The following GSTZ1 variants were observed in gnomAD, a reference collection of about 807,000 sequenced individuals.
GSTZ1 encodes the protein glutathione S-transferase zeta 1.
In GSTZ1, 34 loss-of-function variants were observed where a neutral mutation model predicts 35.9. The observed-to-expected ratio is 0.95, with a 90% CI of 0.72 to 1.26. The LOEUF is 1.26. Among genes scored for constraint, GSTZ1 ranks in the 50% most tolerant of loss-of-function variants. The pLI, the probability that GSTZ1 is intolerant of heterozygous loss-of-function variation, is 0.00. For synonymous variants in GSTZ1, 93 were observed against 101.2 expected, an observed-to-expected ratio of 0.92 and a Z score of 0.49; for missense variants, 263 against 271.7, an observed-to-expected ratio of 0.97 and a Z score of 0.23.
chr14:77,323,928 C>G (rs899491260), intron 1 of GSTZ1: 50 of 152,416 alleles, frequency 3.3e-4, no homozygotes, highest in African/African-American at 1.1e-3. Context: ...TTTAGGGCAA[C>G]CTTTGTTTTA....
At chr14:77,327,889 C>T (rs2139576472) in intron 4 of GSTZ1, 23 bp from the exon 5 acceptor site, 4 of 1,613,256 alleles carry the variant, frequency 2.5e-6, no homozygotes, top group Non-Finnish European at 3.4e-6. Context: ...CCTCTCCCTG[C>T]CTCACTGCTC....
chr14:77,330,525 G>A (rs1256516216), intron 8 of GSTZ1, among the ~76,000 whole-genome samples, 166 bp downstream of exon 8: 4 of 152,122 alleles, frequency 2.6e-5, no homozygotes, highest in Non-Finnish European at 5.9e-5. Context: ...GAAGAAATTG[G>A]GGCAGTGCTC....
chr14:77,323,905 GC>G (rs1892160202), intron 1 of GSTZ1: 1 of 152,388 alleles, frequency 6.6e-6, no homozygotes, highest in Non-Finnish European at 1.5e-5. Context: ...GCTAGAGGAT[GC>G]CCTGCCATCA....
At chr14:77,327,020 A>T in intron 3 of GSTZ1, 115 bp downstream of exon 3, 1 of 752,040 alleles carries the variant, frequency 1.3e-6, no homozygotes, top group Non-Finnish European at 2.3e-6. Context: ...CTTGTGGACT[A>T]TCACTGCAGG....
In GSTZ1 at chr14:77,327,312, G is replaced by T. The variant is rs1594824521; in HGVS notation, c.136-160G>T. 4.7e-6 allele frequency: 3 copies of T among 631,914 alleles called. No homozygotes were observed. In the East Asian group the frequency reaches 8.2e-5, roughly 17 times the overall value. 39.1% of individuals were successfully genotyped at this position (631,914 alleles called of 1,614,324 possible). Reference sequence around the variant, plus strand: ...AGCAGCAGCTGGGCTTTGGGAGACTGCATGGATCCCCCAGGGATTACCCTG... The same window carrying T: ...AGCAGCAGCTGGGCTTTGGGAGACTTCATGGATCCCCCAGGGATTACCCTG... On this transcript the variant is annotated intron_variant, in intron 3 of 8. Transcript: ENST00000216465.
chr14:77,329,793 T>A lies in GSTZ1; in HGVS notation c.460T>A (p.Cys154Ser). The A allele has an allele frequency of 6.2e-7, 1 of 1,613,652 alleles. No homozygotes were observed. Among genetic ancestry groups the A allele is most frequent in the South Asian group, 1.1e-5 (1 of 91,072 alleles). Reference protein sequence around the residue: ...QILQSTAGIYCVGDEVTMADL... With the variant: ...QILQSTAGIYSVGDEVTMADL... ...CCTACAGAGCACAGCGGGCATATACTGTGTAGGAGACGAGGTAAGCTGTCC... is the reference window on the plus strand; with the variant it reads ...CCTACAGAGCACAGCGGGCATATACAGTGTAGGAGACGAGGTAAGCTGTCC... Residue 154 changes from cysteine to serine, a missense_variant, in exon 7 of 9, where the codon TGT (cysteine) becomes AGT (serine). Transcript: ENST00000216465.
intron 8 of GSTZ1, among the ~76,000 whole-genome samples, chr14:77,330,697 C>A (rs893835177): frequency 2.0e-5 from 3 of 152,092 alleles, no homozygotes; most frequent in African/African-American, 7.2e-5. Flanking sequence ...TTCCGTGAAC[C>A]CTTTGGTAGG....
rs1892071848 is a variant in GSTZ1 at position 77,322,506 on chromosome 14, C to A, written c.15+1323C>A. The A allele has an allele frequency of 5.4e-6, 4 of 736,148 alleles. No homozygotes were observed. In the South Asian group the frequency reaches 2.4e-4, roughly 44 times the overall value. 45.6% of individuals were successfully genotyped at this position (736,148 alleles called of 1,614,324 possible). ...CATTTAGCCATTAGGTAAGGCATTT[C>A]TTCAGGGATTCTAAGCTAATTAATG... On this transcript the variant is annotated intron_variant, in intron 1 of 8. Coordinates refer to ENST00000216465, the MANE Select transcript of GSTZ1 (RefSeq NM_145870.3).
chr14:77,324,553 A>T (rs1319842957), intron 1 of GSTZ1: 1 of 1,517,666 alleles, frequency 6.6e-7, no homozygotes, highest in Non-Finnish European at 8.8e-7. Flanking sequence ...CCCTGCTCAG[A>T]AGCTGTGCCA....
At chr14:77,328,994 G>C in intron 5 of GSTZ1, 129 bp from the exon 6 acceptor site, 4 of 745,648 alleles carry the variant, frequency 5.4e-6, no homozygotes, top group South Asian at 4.5e-5. Flanking sequence ...GGCTCATGGA[G>C]CCTGGGGGAG....
chr14:77,322,480 G>A, intron 1 of GSTZ1: 1 of 433,184 alleles, frequency 2.3e-6, no homozygotes, highest in South Asian at 9.5e-5. Flanking sequence ...TAATCCAAAG[G>A]CATTTAGCCA....
At chr14:77,325,058 G>A (rs572507857) in intron 2 of GSTZ1, 137 bp downstream of exon 2, 22 of 724,398 alleles carry the variant, frequency 3.0e-5, no homozygotes, top group African/African-American at 1.4e-4. Flanking sequence ...AGCATCCCCC[G>A]GCTCCTAGAA....
intron 3 of GSTZ1, 54 bp from the exon 4 acceptor site, chr14:77,327,418 C>T: frequency 8.7e-7 from 1 of 1,146,110 alleles, no homozygotes; most frequent in South Asian, 1.3e-5. Context: ...GCTTGGCTTT[C>T]CTCTGGCCAA....
chr14:77,326,735 A>C (rs1269352101), intron 2 of GSTZ1, 103 bp from the exon 3 acceptor site: 1 of 774,018 alleles, frequency 1.3e-6, no homozygotes, highest in East Asian at 2.7e-5. Context: ...GTGTTAGAGA[A>C]GCCTCCCCCT....
chr14:77,326,336 C>T (rs1200109678), intron 2 of GSTZ1: 1 of 153,464 alleles, frequency 6.5e-6, no homozygotes, highest in Non-Finnish European at 1.5e-5. Context: ...GGAAGAGATT[C>T]TTCTCCAACA....
chr14:77,328,339 C>T, intron 5 of GSTZ1: 1 of 410,476 alleles, frequency 2.4e-6, no homozygotes, highest in South Asian at 2.9e-5. Flanking sequence ...GTCCAGGCCT[C>T]CTGCCTTTAA....
At chr14:77,329,031 G>A (rs936675972) in intron 5 of GSTZ1, 92 bp from the exon 6 acceptor site, 8 of 883,730 alleles carry the variant, frequency 9.1e-6, no homozygotes, top group Admixed American at 1.7e-5. Context: ...GCCAGGGGCA[G>A]ATGGGAAGTG....
intron 7 of GSTZ1, 23 bp downstream of exon 7, chr14:77,329,830 C>T: frequency 6.3e-7 from 1 of 1,590,786 alleles, no homozygotes; most frequent in Non-Finnish European, 8.6e-7. Flanking sequence ...CAGACCTCCC[C>T]AGGCCCAGCC....
At chr14:77,321,282 A>G (rs1335961092) in intron 1 of GSTZ1, 99 bp downstream of exon 1, 8 of 1,525,278 alleles carry the variant, frequency 5.2e-6, no homozygotes, top group Non-Finnish European at 6.2e-6. Context: ...CCAGGCCGAC[A>G]ACGACTCCCG....
Sources: allele counts gnomAD v4.1 joint callset (sites outside exome capture counted in the v4.1 genomes callset), GRCh38; gene constraint gnomAD v4.1.1; transcripts MANE v1.5; gene names NCBI Gene and HGNC (gene_info 2026-07-23, HGNC 2026-07-21).